The following SYN3 variants were observed in gnomAD, a reference collection of about 807,000 sequenced individuals.
SYN3 encodes the protein synapsin-3.
Under a neutral mutation model 65.8 loss-of-function variants are expected in SYN3, and 35 were observed. The ratio of observed to expected loss-of-function variants is 0.53; its 90% CI spans 0.41 to 0.70. The LOEUF (loss-of-function observed/expected upper bound fraction) is 0.70. SYN3 is among the 30% of genes least tolerant of loss of function. SYN3 has a pLI of 0.00. For synonymous variants in SYN3, 270 were observed against 292.9 expected (o/e 0.92, Z 0.80); for missense variants, 680 against 749.0 (o/e 0.91, Z 1.08).
intron 6 of SYN3, among the ~76,000 whole-genome samples, chr22:32,621,523 T>C (rs1366027415): frequency 2.6e-5 from 4 of 152,160 alleles, no homozygotes; most frequent in South Asian, 2.1e-4. Context: ...GCTGTTTACA[T>C]GTGCTGTGTG....
Position 32,646,547 on chromosome 22 carries a change from CTT to C in SYN3, c.712-49813_712-49812del, listed in dbSNP as rs200685036. Among the ~76,000 whole-genome samples the C allele has an allele frequency of 1.6e-3, 236 of 152,142 alleles. 2 individuals are homozygous for C. The East Asian group carries it at 0.019, about 12-fold the overall frequency. On this transcript the variant is annotated intron_variant, in intron 6 of 13. Transcript: ENST00000358763. The stretch of plus-strand genomic sequence containing the variant: ...CGGCTAGCGCTTCTTTGTGCTAGAT[CTT>C]TTTTTGGGGTAATAGAGGGATAAAG...
chr22:33,046,841 TAAAAAAAAAAA>T (rs71187229), intron 1 of SYN3, among the ~76,000 whole-genome samples: 1 of 92,766 alleles, frequency 1.1e-5, no homozygotes, highest in Admixed American at 1.4e-4. Context: ...AGTCTCTGTT[TAAAAAAAAAAA>T]AAAAAAAAAA....
intron 6 of SYN3, among the ~76,000 whole-genome samples, chr22:32,816,354 C>G (rs1289255263): frequency 1.3e-5 from 2 of 152,100 alleles, no homozygotes; most frequent in Admixed American, 6.5e-5. Context: ...GGGTGAAATA[C>G]AGGAATAAAC....
chr22:32,745,312 C>T (rs1210852908), intron 6 of SYN3, among the ~76,000 whole-genome samples: 1 of 152,222 alleles, frequency 6.6e-6, no homozygotes, highest in Non-Finnish European at 1.5e-5. Flanking sequence ...GTGAAGTCAC[C>T]GCCTGTCTTT....
At chr22:32,747,863 C>T (rs554005329) in intron 6 of SYN3, among the ~76,000 whole-genome samples, 45 of 152,208 alleles carry the variant, frequency 3.0e-4, no homozygotes, top group Admixed American at 8.5e-4. Context: ...ATGCCTGATT[C>T]TTGCCTGGGC....
At chr22:32,627,323 G>A (rs1295111301) in intron 6 of SYN3, among the ~76,000 whole-genome samples, 2 of 152,172 alleles carry the variant, frequency 1.3e-5, no homozygotes, top group Non-Finnish European at 2.9e-5. Context: ...AACAAAACCA[G>A]GAAAACAGAT....
chr22:32,928,146 C>T (rs1208135283), intron 4 of SYN3, among the ~76,000 whole-genome samples: 4 of 152,034 alleles, frequency 2.6e-5, no homozygotes, highest in East Asian at 3.9e-4. Flanking sequence ...CTGGCTAACA[C>T]GGTGAAACCC....
At chr22:32,572,475 TTCCCTCCC>T (rs1569052140) in intron 7 of SYN3, among the ~76,000 whole-genome samples, 10 of 102,230 alleles carry the variant, frequency 9.8e-5, no homozygotes, top group Non-Finnish European at 1.2e-4. Flanking sequence ...TTCTTTCTCC[TTCCCTCCC>T]TTCCTTTTCT....
chr22:32,846,922 G>A (rs1182963689), intron 6 of SYN3, among the ~76,000 whole-genome samples: 1 of 152,224 alleles, frequency 6.6e-6, no homozygotes, highest in Non-Finnish European at 1.5e-5. Context: ...GCTATTTGGG[G>A]TAAGGAAGGA....
intron 6 of SYN3, among the ~76,000 whole-genome samples, chr22:32,605,695 C>T (rs1259019607): frequency 2.0e-5 from 3 of 152,200 alleles, no homozygotes; most frequent in Non-Finnish European, 2.9e-5. Context: ...TGCATGGTGC[C>T]GCCTCTGGAC....
intron 3 of SYN3, among the ~76,000 whole-genome samples, chr22:32,950,139 A>G (rs937484321): frequency 6.6e-6 from 1 of 152,120 alleles, no homozygotes; most frequent in Non-Finnish European, 1.5e-5. Context: ...GGGCACTTGC[A>G]TATTTTGCAG....
intron 6 of SYN3, chr22:32,783,196 C>T (rs192975162): frequency 6.6e-6 from 1 of 152,200 alleles, no homozygotes; most frequent in Non-Finnish European, 1.5e-5. Context: ...GCCTGGATGC[C>T]TGACTTGGAA....
chr22:32,801,669 CA>C lies in SYN3; in HGVS notation c.711+63245del, dbSNP rs2046583068. On this transcript the variant is annotated intron_variant, in intron 6 of 13. Transcript: ENST00000358763. The surrounding 1 kb of genome is among the most constrained non-coding windows in gnomAD (Gnocchi z 4.7). ...GCCCGAGGCGGGGTCCCCGGGGGCC[CA>C]GCGCTATATCACTCGGCCGCCCAGG... 2 of 167,098 alleles carry C rather than the reference CA, an allele frequency of 1.2e-5. No individual in the cohort carries two copies. Among genetic ancestry groups the C allele is most frequent in the South Asian group, 4.0e-4 (2 of 5,016 alleles). 10.4% of individuals were successfully genotyped at this position (167,098 alleles called of 1,614,324 possible).
chr22:32,896,290 A>G (rs1261383180), intron 4 of SYN3, among the ~76,000 whole-genome samples: 2 of 152,112 alleles, frequency 1.3e-5, no homozygotes, highest in African/African-American at 4.8e-5. Context: ...CCCCGACTCT[A>G]CTGAAAAAAT....
At chr22:32,524,509 T>C (rs2057942692) in intron 12 of SYN3, among the ~76,000 whole-genome samples, 1 of 152,220 alleles carries the variant, frequency 6.6e-6, no homozygotes, top group Admixed American at 6.5e-5. Flanking sequence ...ATATGGTTCA[T>C]TGAATATTTT....
chr22:32,675,464 G>A (rs1281816068), intron 6 of SYN3, among the ~76,000 whole-genome samples: 3 of 152,284 alleles, frequency 2.0e-5, no homozygotes, highest in African/African-American at 7.2e-5. Flanking sequence ...GGCATCTTAG[G>A]TTGGGGTGAT....
At chr22:32,545,168 G>A (rs895208572) in intron 7 of SYN3, among the ~76,000 whole-genome samples, 2 of 152,132 alleles carry the variant, frequency 1.3e-5, no homozygotes, top group African/African-American at 4.8e-5. Flanking sequence ...TGTAGCTGAG[G>A]GCAACACACC....
At chr22:32,752,797 G>A (rs1210088454) in intron 6 of SYN3, among the ~76,000 whole-genome samples, 1 of 152,240 alleles carries the variant, frequency 6.6e-6, no homozygotes, top group Non-Finnish European at 1.5e-5. Flanking sequence ...AGATGGTGGG[G>A]CAAGGCTGAA....
chr22:32,723,976 G>C (rs1177234163), intron 6 of SYN3, among the ~76,000 whole-genome samples: 2 of 152,166 alleles, frequency 1.3e-5, no homozygotes, highest in African/African-American at 4.8e-5. Flanking sequence ...AAGCAAGGTG[G>C]GGTGGTAACC....
Sources: allele counts gnomAD v4.1 joint callset (sites outside exome capture counted in the v4.1 genomes callset), GRCh38; gene constraint gnomAD v4.1.1; non-coding constraint Gnocchi (gnomAD v3.1); transcripts MANE v1.5; gene names NCBI Gene and HGNC (gene_info 2026-07-23, HGNC 2026-07-21).